CNTNAP4: variants seen among roughly 807,000 people sequenced by gnomAD.
CNTNAP4 encodes the protein contactin-associated protein-like 4.
In CNTNAP4, 98 loss-of-function variants were observed where a neutral mutation model predicts 148.4. That is an observed-to-expected ratio of 0.66 (90% confidence interval 0.56 to 0.78). The LOEUF (loss-of-function observed/expected upper bound fraction) is 0.78. Ranked by LOEUF, CNTNAP4 falls within the 30% of genes least tolerant of loss-of-function variation. The probability of loss-of-function intolerance (pLI) is 0.00; values close to 1 mark genes in which losing one functional copy is unlikely to be tolerated. For synonymous variants in CNTNAP4, 730 were observed against 565.1 expected, an observed-to-expected ratio of 1.29 and a Z score of -4.14; for missense variants, 1,935 against 1,565.6, an observed-to-expected ratio of 1.24 and a Z score of -3.98.
intron 23 of CNTNAP4, among the ~76,000 whole-genome samples, chr16:76,555,051 C>G (rs12924098): frequency 0.29 from 44,301 of 151,570 alleles, 6,486 homozygotes; most frequent in South Asian, 0.35. Flanking sequence ...TAATTGTTTA[C>G]TTTCTATATC....
At chr16:76,375,015 C>T (rs1048975748) in intron 3 of CNTNAP4, among the ~76,000 whole-genome samples, 9 of 152,114 alleles carry the variant, frequency 5.9e-5, no homozygotes, top group South Asian at 2.1e-4. Flanking sequence ...GTGATCTGCC[C>T]GCCTTGGCCT....
In CNTNAP4 at chr16:76,324,587, C is replaced by T. The variant is rs571592712; in HGVS notation, c.196+8064C>T. 2.6e-5 allele frequency among the ~76,000 whole-genome samples: 4 copies of T among 152,258 alleles called. No homozygotes were observed. The South Asian group carries it at 6.2e-4, about 24-fold the overall frequency. ...GGAAACTCTGAGGGATAAATTTTAC[C>T]TTGGACTTTGCCTTACCTCAAGGTG... On this transcript the variant is annotated intron_variant, in intron 2 of 23. Coordinates refer to ENST00000611870, the MANE Select transcript of CNTNAP4 (RefSeq NM_033401.5).
intron 3 of CNTNAP4, among the ~76,000 whole-genome samples, chr16:76,377,271 A>T (rs1388385264): frequency 6.6e-6 from 1 of 152,172 alleles, no homozygotes; most frequent in Non-Finnish European, 1.5e-5. Flanking sequence ...AATACCTTTA[A>T]AGAAACATCT....
chr16:76,312,421 T>C (rs1961226396), intron 1 of CNTNAP4, among the ~76,000 whole-genome samples: 1 of 152,184 alleles, frequency 6.6e-6, no homozygotes, highest in African/African-American at 2.4e-5. Flanking sequence ...AGAAAACTGG[T>C]TTTCTGGAAT....
intron 3 of CNTNAP4, among the ~76,000 whole-genome samples, chr16:76,412,670 CTTTTTTCTCT>C (rs757909122): frequency 1.3e-5 from 2 of 150,874 alleles, no homozygotes; most frequent in Non-Finnish European, 3.0e-5. Flanking sequence ...CATTTAAATA[CTTTTTTCTCT>C]TTTTTTCTCT....
intron 21 of CNTNAP4, among the ~76,000 whole-genome samples, chr16:76,541,979 G>C (rs1046140523): frequency 1.3e-5 from 2 of 152,152 alleles, no homozygotes; most frequent in Admixed American, 1.3e-4. Context: ...TGTATCATTT[G>C]CTCTAAGAAT....
At chr16:76,298,486 A>ATGTG (rs3975398) in intron 1 of CNTNAP4, among the ~76,000 whole-genome samples, 3,887 of 129,340 alleles carry the variant, frequency 0.03, 102 homozygotes, top group African/African-American at 0.082. Flanking sequence ...GTGTACATGT[A>ATGTG]TGTGTGTGTG....
chr16:76,491,040 C>G (rs1416913658), intron 13 of CNTNAP4, among the ~76,000 whole-genome samples: 1 of 152,022 alleles, frequency 6.6e-6, no homozygotes, highest in African/African-American at 2.4e-5. Context: ...GACATTTGAA[C>G]CCTGCATTTC....
intron 17 of CNTNAP4, among the ~76,000 whole-genome samples, chr16:76,522,668 T>TC (rs2083517062): frequency 9.1e-6 from 1 of 110,398 alleles, no homozygotes; most frequent in African/African-American, 3.7e-5. Context: ...CTCTCTTTCC[T>TC]TCTTTCTCTC....
intron 15 of CNTNAP4, among the ~76,000 whole-genome samples, chr16:76,510,719 A>T (rs911515621): frequency 6.6e-6 from 1 of 151,898 alleles, no homozygotes; most frequent in Non-Finnish European, 1.5e-5. Context: ...TTTTTGAAAA[A>T]TTTTCTCAAC....
At chr16:76,299,505 G>C (rs1350427186) in intron 1 of CNTNAP4, among the ~76,000 whole-genome samples, 1 of 152,122 alleles carries the variant, frequency 6.6e-6, no homozygotes, top group Non-Finnish European at 1.5e-5. Context: ...ACAGGTGCTG[G>C]AGAGGATGTG....
intron 3 of CNTNAP4, 100 bp from the exon 4 acceptor site, chr16:76,427,352 G>C (rs2079445465): frequency 2.1e-6 from 2 of 946,888 alleles, no homozygotes; most frequent in African/African-American, 1.7e-5. Context: ...ACCATTCATA[G>C]TAAAATGCAG....
intron 1 of CNTNAP4, among the ~76,000 whole-genome samples, chr16:76,282,857 C>T (rs1958739084): frequency 6.6e-6 from 1 of 151,410 alleles, no homozygotes; most frequent in South Asian, 2.1e-4. Context: ...ATTTAAAAAC[C>T]CATTTTCATT....
intron 4 of CNTNAP4, among the ~76,000 whole-genome samples, chr16:76,447,367 T>TAC (rs1389751475): frequency 6.7e-6 from 1 of 149,886 alleles, no homozygotes; most frequent in Non-Finnish European, 1.5e-5. Context: ...TATATATATA[T>TAC]ATGAGAAATT....
chr16:76,398,241 G>T (rs1308170594), intron 3 of CNTNAP4, among the ~76,000 whole-genome samples: 2 of 149,958 alleles, frequency 1.3e-5, no homozygotes, highest in African/African-American at 4.9e-5. Context: ...GCCCACCCTG[G>T]TTGAGGATGG....
chr16:76,322,402 C>G (rs2144152995), intron 2 of CNTNAP4, among the ~76,000 whole-genome samples: 1 of 152,300 alleles, frequency 6.6e-6, no homozygotes, highest in Non-Finnish European at 1.5e-5. Context: ...TTCAGCTCTT[C>G]CACTCTCCTT....
At chr16:76,370,002 C>A (rs2014611362) in intron 3 of CNTNAP4, among the ~76,000 whole-genome samples, 1 of 152,232 alleles carries the variant, frequency 6.6e-6, no homozygotes, top group Non-Finnish European at 1.5e-5. Flanking sequence ...CTTCTGGAAA[C>A]ACCCTCACAG....
intron 15 of CNTNAP4, among the ~76,000 whole-genome samples, chr16:76,506,625 C>T (rs1224454219): frequency 5.4e-5 from 5 of 92,808 alleles, no homozygotes; most frequent in African/African-American, 1.3e-4. Flanking sequence ...CGTGTGCCAC[C>T]AGGACCAGTT....
At chr16:76,415,543 C>A (rs1279302800) in intron 3 of CNTNAP4, among the ~76,000 whole-genome samples, 1 of 150,788 alleles carries the variant, frequency 6.6e-6, no homozygotes, top group Non-Finnish European at 1.5e-5. Flanking sequence ...CTATTTATTA[C>A]CTTTGAAATC....
Sources: gnomAD v4.1 joint callset for allele counts (sites outside exome capture counted in the v4.1 genomes callset) on GRCh38, gnomAD v4.1.1 for gene constraint, MANE v1.5 for transcripts, NCBI Gene and HGNC (gene_info 2026-07-23, HGNC 2026-07-21) for gene names.